Variants in CENPE observed in about 807,000 individuals in gnomAD.
The protein encoded by CENPE is centromere protein E.
A neutral mutation model predicts 336.1 loss-of-function variants in CENPE; 145 were observed. The observed-to-expected ratio is 0.43, with a 90% CI of 0.38 to 0.50. CENPE has a LOEUF of 0.50. Ranked by LOEUF, CENPE falls within the 20% of genes least tolerant of loss-of-function variation. The pLI, the probability that CENPE is intolerant of heterozygous loss-of-function variation, is 0.00. For synonymous variants in CENPE, 1,013 were observed against 984.8 expected (o/e 1.03, Z -0.54); for missense variants, 2,719 against 3,023.3 (o/e 0.90, Z 2.36).
intron 45 of CENPE, among the ~76,000 whole-genome samples, chr4:103,114,902 C>A (rs1036526112): frequency 3.9e-5 from 6 of 152,120 alleles, no homozygotes; most frequent in African/African-American, 1.4e-4. Flanking sequence ...GTATAAGGAG[C>A]ATGAAAGAGA....
rs1203767078 is a variant in CENPE, at chr4:103,174,869, G to C, written c.1514C>G (p.Ala505Gly). ...GTCTAATACCAGATTATCATAGTCA[G>C]CACGAAGTGAGTTCAACTCACTTTC... ...NIESELNSLR[A>G]DYDNLVLDYE... The change falls in exon 16 of 49, where the codon GCT (alanine) becomes GGT (glycine). Residue 505 changes from alanine to glycine, a missense_variant. Around this residue, in one of 5 missense-constraint regions of CENPE, gnomAD observed 2,437 missense variants for 2,513.3 expected, o/e 0.97. Coordinates refer to ENST00000265148, the MANE Select transcript of CENPE (RefSeq NM_001813.3). The C allele has an allele frequency of 6.7e-7, 1 of 1,501,102 alleles. No individual in the cohort carries two copies. Among genetic ancestry groups the C allele is most frequent in the East Asian group, 2.6e-5 (1 of 38,512 alleles). The allele number at this position is 1,501,102 out of a possible 1,614,324, so 93.0% of individuals were successfully genotyped here.
At chr4:103,166,276 A>C (rs1457577317) in intron 16 of CENPE, among the ~76,000 whole-genome samples, 1 of 152,192 alleles carries the variant, frequency 6.6e-6, no homozygotes, top group African/African-American at 2.4e-5. Flanking sequence ...GGCCTTGGCA[A>C]CAATTCATAA....
At chr4:103,120,762 G>A (rs2623085) in intron 43 of CENPE, among the ~76,000 whole-genome samples, 6,158 of 151,098 alleles carry the variant, frequency 0.041, 160 homozygotes, top group Non-Finnish European at 0.059. Context: ...TTGAGATGGA[G>A]TCTTGCTCTG....
intron 42 of CENPE, among the ~76,000 whole-genome samples, chr4:103,128,150 G>C (rs1220372838): frequency 6.6e-6 from 1 of 152,132 alleles, no homozygotes; most frequent in Non-Finnish European, 1.5e-5. Context: ...GCAGAGTTCA[G>C]AGCAAGGAAA....
chr4:103,115,921 C>T (rs1022608516), intron 45 of CENPE, among the ~76,000 whole-genome samples: 1 of 151,770 alleles, frequency 6.6e-6, no homozygotes, highest in African/African-American at 2.4e-5. Context: ...TTAGTAGAGG[C>T]GGGGTTTCAC....
intron 42 of CENPE, among the ~76,000 whole-genome samples, chr4:103,127,097 T>TTA (rs1553925557): frequency 2.7e-5 from 2 of 75,340 alleles, no homozygotes; most frequent in African/African-American, 4.9e-5. Context: ...GGGACAAATA[T>TTA]AAAAAAAAAA....
Position 103,106,034 on chromosome 4 carries a change from TG to T in CENPE, c.*187del, listed in dbSNP as rs1748868300. 1 of 388,070 alleles carries T rather than the reference TG, an allele frequency of 2.6e-6. No individual in the cohort carries two copies. Among genetic ancestry groups the T allele is most frequent in the African/African-American group, 2.1e-5 (1 of 48,556 alleles). 24.0% of individuals were successfully genotyped at this position (388,070 alleles called of 1,614,324 possible). On this transcript the variant is annotated 3_prime_UTR_variant, in exon 49 of 49. Transcript: ENST00000265148. The stretch of plus-strand genomic sequence containing the variant: ...ATTACCATATGCAAGAAGAAGGTAT[TG>T]CTATCACCATTCTAAATTACCACAA...
chr4:103,123,184 A>G, intron 42 of CENPE, 95 bp from the exon 43 acceptor site: 1 of 878,212 alleles, frequency 1.1e-6, no homozygotes. Context: ...AGTTACCCTC[A>G]GTCAAAAGTG....
chr4:103,163,212 G>C lies in CENPE; in HGVS notation c.1767C>G (p.Asp589Glu). 1.2e-6 allele frequency: 2 copies of C among 1,607,784 alleles called. No individual in the cohort carries two copies. Among genetic ancestry groups the C allele is most frequent in the Non-Finnish European group, 1.7e-6 (2 of 1,175,346 alleles). ...TGTATTCCTGTAGCTTCTTAATCTGGTCTTCCTTTTCTCTAAGCAGCTCTA... is the reference window on the plus strand; with the variant it reads ...TGTATTCCTGTAGCTTCTTAATCTGCTCTTCCTTTTCTCTAAGCAGCTCTA... ...SKVELLREKE[D>E]QIKKLQEYID... The change falls in exon 18 of 49, where the codon GAC (aspartate) becomes GAG (glutamate). Residue 589 changes from aspartate to glutamate, a missense_variant. This residue lies in a region of CENPE where 2,437 missense variants were observed against 2,513.3 expected (regional missense o/e 0.97). Coordinates refer to ENST00000265148, the MANE Select transcript of CENPE (RefSeq NM_001813.3).
In CENPE at chr4:103,194,161, C is replaced by T; in HGVS notation, c.693+68G>A. 3 of 1,189,616 alleles carry T rather than the reference C, an allele frequency of 2.5e-6. No homozygotes were observed. The Admixed American group carries it at 5.9e-5, about 23-fold the overall frequency. The allele number at this position is 1,189,616 out of a possible 1,614,324, so 73.7% of individuals were successfully genotyped here. A position where few individuals can be genotyped will look rare whatever the true frequency, so the allele number is the denominator to read the frequency against. ...AGTTAACAGTTCTTATTAAACCAAA[C>T]ATCCAGCAACTAAATTAAATTTTGT... On this transcript the variant is annotated intron_variant, in intron 8 of 48. Transcript: ENST00000265148.
chr4:103,187,096 G>A (rs564963042), intron 8 of CENPE, among the ~76,000 whole-genome samples: 1 of 152,164 alleles, frequency 6.6e-6, no homozygotes. Context: ...AGGGCTTTAT[G>A]CAAGGGAGTA....
chr4:103,196,896 G>T, intron 1 of CENPE, 46 bp from the exon 2 acceptor site: 2 of 869,070 alleles, frequency 2.3e-6, no homozygotes, highest in Non-Finnish European at 3.8e-6. Flanking sequence ...TAAAAGTCAT[G>T]TCATAGGAGG....
chr4:103,149,222 C>T lies in CENPE; in HGVS notation c.3583G>A (p.Val1195Met), dbSNP rs1753334329. The stretch of plus-strand genomic sequence containing the variant: ...TTTCTTTCTTTGGTTATAGATTTCA[C>T]TTCCTCATAATTTTCATTAAGTTTC... ...AQKLNENYEE[V>M]KSITKERKVL... The change falls in exon 27 of 49, where the codon GTG (valine) becomes ATG (methionine). Residue 1195 changes from valine to methionine, a missense_variant. By Grantham distance (21) the Val-to-Met change is conservative (BLOSUM62 1). This residue lies in a region of CENPE where 2,437 missense variants were observed against 2,513.3 expected (regional missense o/e 0.97). Transcript: ENST00000265148. The T allele has an allele frequency of 6.2e-7, 1 of 1,612,680 alleles. No homozygotes were observed. Among genetic ancestry groups the T allele is most frequent in the Non-Finnish European group, 8.5e-7 (1 of 1,179,754 alleles).
In CENPE at chr4:103,132,773, T is replaced by A. The variant is rs965220937; in HGVS notation, c.6844A>T (p.Ile2282Leu). The A allele has an allele frequency of 6.3e-7, 1 of 1,582,380 alleles. No individual in the cohort carries two copies. Among genetic ancestry groups the A allele is most frequent in the Non-Finnish European group, 8.6e-7 (1 of 1,156,458 alleles). ...TGGATGCCATTTTTAAGCTTTTCTA[T>A]ATCAAAACGAGTATTTAACCACTCT... Reference protein sequence around the residue: ...LEEWLNTRFDIEKLKNGIQKE... With the variant: ...LEEWLNTRFDLEKLKNGIQKE... The change falls in exon 42 of 49, where the codon ATA (isoleucine) becomes TTA (leucine). Residue 2282 changes from isoleucine to leucine, a missense_variant. Physicochemically the swap from Ile to Leu is conservative, Grantham distance 5. Around this residue, in one of 5 missense-constraint regions of CENPE, gnomAD observed 2,437 missense variants for 2,513.3 expected, o/e 0.97. Coordinates refer to ENST00000265148, the MANE Select transcript of CENPE (RefSeq NM_001813.3).
chr4:103,191,784 T>G (rs1183586250), intron 8 of CENPE, among the ~76,000 whole-genome samples: 1 of 151,472 alleles, frequency 6.6e-6, no homozygotes, highest in African/African-American at 2.4e-5. Flanking sequence ...CCCTAAAACT[T>G]AAAGTATAAT....
intron 15 of CENPE, 110 bp downstream of exon 15, chr4:103,175,850 T>A: frequency 1.5e-6 from 1 of 658,310 alleles, no homozygotes; most frequent in Admixed American, 3.5e-5. Flanking sequence ...AAGCCTTCAT[T>A]AGAGCCAAAA....
At chr4:103,168,820 C>T (rs991102442) in intron 16 of CENPE, among the ~76,000 whole-genome samples, 2 of 152,184 alleles carry the variant, frequency 1.3e-5, no homozygotes, top group Non-Finnish European at 2.9e-5. Flanking sequence ...ATGGTGACCT[C>T]AGTCATACTA....
At chr4:103,108,342 G>A (rs1422798917) in intron 48 of CENPE, among the ~76,000 whole-genome samples, 1 of 151,120 alleles carries the variant, frequency 6.6e-6, no homozygotes, top group African/African-American at 2.4e-5. Context: ...TTATCAATGT[G>A]CCACCAGGAT....
intron 47 of CENPE, 103 bp downstream of exon 47, chr4:103,110,725 G>A (rs1417612390): frequency 1.4e-6 from 1 of 709,952 alleles, no homozygotes; most frequent in Non-Finnish European, 2.1e-6. Flanking sequence ...TCCCCATAAT[G>A]ACTGAAGTGT....
Sources: gnomAD v4.1 joint callset for allele counts (sites outside exome capture counted in the v4.1 genomes callset) on GRCh38, gnomAD v4.1.1 for gene constraint, gnomAD v4.1.1 regional missense constraint, MANE v1.5 for transcripts, NCBI Gene and HGNC (gene_info 2026-07-23, HGNC 2026-07-21) for gene names.